The following ZFHX3 variants were observed in gnomAD, a reference collection of about 807,000 sequenced individuals.
The protein encoded by ZFHX3 is zinc finger homeobox 3, also known as zinc finger homeobox protein 3.
ZFHX3 carries 42 observed loss-of-function variants against 279.1 expected under a neutral mutation model. The observed-to-expected ratio is 0.15, with a 90% CI of 0.12 to 0.19. The LOEUF (loss-of-function observed/expected upper bound fraction) is 0.19. Among genes scored for constraint, ZFHX3 ranks in the 10% least tolerant of loss-of-function variants. The pLI is 1.00. For synonymous variants in ZFHX3, 2,293 were observed against 1,957.8 expected, an observed-to-expected ratio of 1.17 and a Z score of -4.52; for missense variants, 4,981 against 4,754.0, an observed-to-expected ratio of 1.05 and a Z score of -1.40.
At chr16:72,856,367 C>T (rs1411293433) in intron 4 of ZFHX3, among the ~76,000 whole-genome samples, 1 of 152,200 alleles carries the variant, frequency 6.6e-6, no homozygotes, top group East Asian at 1.9e-4. Flanking sequence ...CATGCAAGAC[C>T]TGGGGGGCTC....
intron 3 of ZFHX3, among the ~76,000 whole-genome samples, chr16:73,444,736 C>T (rs936939517): frequency 1.3e-5 from 2 of 152,210 alleles, no homozygotes; most frequent in Non-Finnish European, 2.9e-5. Context: ...ACACTCAAAG[C>T]TCTCAAGTGA....
chr16:73,054,021 G>C (rs1179247334), intron 1 of ZFHX3, among the ~76,000 whole-genome samples: 1 of 151,756 alleles, frequency 6.6e-6, no homozygotes, highest in African/African-American at 2.4e-5. Context: ...TGGAGGGAGG[G>C]GGGAGGAAAG....
chr16:72,965,071 G>C (rs1317999232), intron 1 of ZFHX3, among the ~76,000 whole-genome samples: 1 of 151,928 alleles, frequency 6.6e-6, no homozygotes, highest in Non-Finnish European at 1.5e-5. Context: ...TATAGATGGG[G>C]TTTCACCATG....
chr16:73,339,805 A>G (rs2015995334), intron 3 of ZFHX3, among the ~76,000 whole-genome samples: 1 of 152,218 alleles, frequency 6.6e-6, no homozygotes, highest in Admixed American at 6.5e-5. Flanking sequence ...TCTTTGGGGC[A>G]TCAGCGGCTC....
chr16:72,910,831 C>G (rs1476721858), intron 3 of ZFHX3, among the ~76,000 whole-genome samples: 1 of 152,180 alleles, frequency 6.6e-6, no homozygotes, highest in African/African-American at 2.4e-5. Context: ...GGGTTTCTGG[C>G]TGTACATTCC....
At chr16:73,610,386 G>T (rs1382294598) in intron 2 of ZFHX3, among the ~76,000 whole-genome samples, 1 of 152,116 alleles carries the variant, frequency 6.6e-6, no homozygotes, top group Non-Finnish European at 1.5e-5. Context: ...ACATATGAAT[G>T]TCGGGTATAG....
intron 1 of ZFHX3, among the ~76,000 whole-genome samples, chr16:73,853,984 G>A (rs1961655120): frequency 6.6e-6 from 1 of 152,144 alleles, no homozygotes; most frequent in Admixed American, 6.5e-5. Context: ...AAGAGTTTCT[G>A]TCTTTGATAC....
chr16:73,864,507 C>T (rs1053216834), intron 1 of ZFHX3, among the ~76,000 whole-genome samples: 2 of 152,108 alleles, frequency 1.3e-5, no homozygotes, highest in Admixed American at 6.5e-5. Flanking sequence ...TCACTTGAGG[C>T]CAGGAGCTCG....
intron 3 of ZFHX3, among the ~76,000 whole-genome samples, chr16:73,371,215 G>C (rs1323202526): frequency 6.6e-6 from 1 of 151,634 alleles, no homozygotes; most frequent in Admixed American, 6.6e-5. Flanking sequence ...GCTGAGGCAG[G>C]AGAATCACTT....
At chr16:73,797,807 CTTTTTTTTTTTT>C (rs35369374) in intron 1 of ZFHX3, among the ~76,000 whole-genome samples, 3 of 82,874 alleles carry the variant, frequency 3.6e-5, no homozygotes, top group Admixed American at 1.6e-4. Flanking sequence ...CTTCTGAAGA[CTTTTTTTTTTTT>C]TTTTTTTTTT....
chr16:73,254,887 C>A (rs1176929875), intron 5 of ZFHX3, among the ~76,000 whole-genome samples: 1 of 149,652 alleles, frequency 6.7e-6, no homozygotes, highest in East Asian at 1.9e-4. Flanking sequence ...TCTCCATCCA[C>A]CTGTTTATCT....
chr16:73,146,316 T>A (rs1271574479), intron 5 of ZFHX3, among the ~76,000 whole-genome samples: 1 of 151,782 alleles, frequency 6.6e-6, no homozygotes, highest in Non-Finnish European at 1.5e-5. Flanking sequence ...TAGCCACAGC[T>A]ACTTGGGAGG....
At chr16:72,836,103 T>C (rs2037186062) in intron 4 of ZFHX3, among the ~76,000 whole-genome samples, 1 of 152,232 alleles carries the variant, frequency 6.6e-6, no homozygotes, top group South Asian at 2.1e-4. Context: ...TGCTCCCAGC[T>C]TGTTACTTCT....
chr16:73,016,614 A>G (rs1964111575), intron 1 of ZFHX3, among the ~76,000 whole-genome samples: 1 of 152,098 alleles, frequency 6.6e-6, no homozygotes, highest in Non-Finnish European at 1.5e-5. Context: ...CCAGAAATAG[A>G]ATCCTGTCTT....
At chr16:72,891,980 G>A (rs1473096466) in intron 3 of ZFHX3, among the ~76,000 whole-genome samples, 1 of 152,190 alleles carries the variant, frequency 6.6e-6, no homozygotes, top group Non-Finnish European at 1.5e-5. Context: ...GCAAGACACT[G>A]ACAAGCTAGA....
chr16:72,962,969 C>A (rs1047783467), intron 1 of ZFHX3, among the ~76,000 whole-genome samples: 2 of 152,120 alleles, frequency 1.3e-5, no homozygotes, highest in Non-Finnish European at 2.9e-5. Flanking sequence ...CACTCCCCCG[C>A]AACAGCCGGC....
At chr16:73,350,129 C>T (rs926874308) in intron 3 of ZFHX3, among the ~76,000 whole-genome samples, 2 of 152,078 alleles carry the variant, frequency 1.3e-5, no homozygotes, top group African/African-American at 4.8e-5. Flanking sequence ...GCTGAGTCTT[C>T]ATCAGCCTAG....
chr16:73,103,732 G>A (rs1283616955), intron 7 of ZFHX3, among the ~76,000 whole-genome samples: 1 of 152,152 alleles, frequency 6.6e-6, no homozygotes, highest in Non-Finnish European at 1.5e-5. Flanking sequence ...GTCACCCAAT[G>A]ATTGTGGCAG....
chr16:73,706,954 C>A (rs1217397551), intron 1 of ZFHX3, among the ~76,000 whole-genome samples: 2 of 152,116 alleles, frequency 1.3e-5, no homozygotes, highest in Non-Finnish European at 2.9e-5. Flanking sequence ...GTGTATTGCA[C>A]ACAGTAGGAG....
Sources: gnomAD v4.1 joint callset for allele counts (sites outside exome capture counted in the v4.1 genomes callset) on GRCh38, gnomAD v4.1.1 for gene constraint, MANE v1.5 for transcripts, NCBI Gene and HGNC (gene_info 2026-07-23, HGNC 2026-07-21) for gene names.